HMCN2: variants seen among roughly 807,000 people sequenced by gnomAD.
HMCN2 encodes hemicentin 2.
HMCN2 carries 325 observed loss-of-function variants against 377.5 expected under a neutral mutation model. The observed-to-expected ratio is 0.86, with a 90% confidence interval of 0.79 to 0.94. The LOEUF (loss-of-function observed/expected upper bound fraction) is 0.94, where lower values mean the gene tolerates loss of function less well. Ranked by LOEUF, HMCN2 falls within the 40% of genes least tolerant of loss-of-function variation. The pLI, the probability that HMCN2 is intolerant of heterozygous loss-of-function variation, is 0.00. For missense variants in HMCN2, 4,543 were observed against 4,725.3 expected (o/e 0.96, Z 1.13); for synonymous variants, 2,007 against 2,046.8 (o/e 0.98, Z 0.53).
intron 33 of HMCN2, 98 bp downstream of exon 33, chr9:130,355,952 T>C: frequency 4.3e-6 from 4 of 931,476 alleles, no homozygotes; most frequent in African/African-American, 3.4e-5. Context: ...GCTTCCTGTT[T>C]CCAGGAGTAG....
At position 130,357,939 on chromosome 9, in the gene HMCN2, G is replaced by A. The variant is rs370466610; in HGVS notation, c.5531G>A (p.Arg1844His). The A allele has an allele frequency of 1.1e-4, 142 of 1,304,202 alleles. 1 individual carries two copies. The highest frequency in any genetic ancestry group is 3.3e-4 in the African/African-American group (22 of 65,996). 80.8% of individuals were successfully genotyped at this position (1,304,202 alleles called of 1,614,324 possible). ...GATGGGGTGCCCACCCCAAGCCTCCGTTGGTGGAAGGATGGTGTAGCCCTG... is the reference window on the plus strand; with the variant it reads ...GATGGGGTGCCCACCCCAAGCCTCCATTGGTGGAAGGATGGTGTAGCCCTG... ...IGDGVPTPSL[R>H]WWKDGVALAA... Residue 1844 changes from arginine (R) to histidine (H), a missense_variant, in exon 35 of 98, where the codon CGT (arginine) becomes CAT (histidine). Arg to His is a conservative substitution (Grantham distance 29). Transcript: ENST00000683500.
At chr9:130,430,193 C>T in intron 94 of HMCN2, 91 bp from the exon 95 acceptor site, 1 of 1,102,844 alleles carries the variant, frequency 9.1e-7, no homozygotes, top group Non-Finnish European at 1.3e-6. Context: ...TAGGGAATGC[C>T]AACAAGAGAG....
In HMCN2 at chr9:130,408,953, C is replaced by T. The variant is rs1378950624; in HGVS notation, c.12879+20C>T. The T allele has an allele frequency of 7.8e-7, 1 of 1,281,958 alleles. No homozygotes were observed. Among genetic ancestry groups the T allele is most frequent in the African/African-American group, 1.5e-5 (1 of 65,734 alleles). The allele number at this position is 1,281,958 out of a possible 1,614,324, so 79.4% of individuals were successfully genotyped here. ...ACTGAGGCAAGGCGGGGCCTGGCAC[C>T]TTGGGTGGGGCCACTGAGGACAACT... On this transcript the variant is annotated intron_variant, in intron 84 of 97. Transcript: ENST00000683500.
intron 62 of HMCN2, among the ~76,000 whole-genome samples, chr9:130,389,063 G>A (rs929509225): frequency 5.3e-5 from 8 of 152,174 alleles, no homozygotes; most frequent in Admixed American, 1.3e-4. Context: ...CAGGCTCCAC[G>A]TGGGGCAGAA....
At position 130,379,546 on chromosome 9, in the gene HMCN2, A is replaced by G. The variant is rs1025943110; in HGVS notation, c.8431+79A>G. ...CCTGCTGTGTGACCTTAAGCAGAGC[A>G]CACAACCACTCTGGACCTTAGCTGC... On this transcript the variant is annotated intron_variant, in intron 54 of 97. Transcript: ENST00000683500. 4.9e-6 allele frequency: 3 copies of G among 610,926 alleles called. No homozygotes were observed. The African/African-American group carries it at 6.0e-5, about 12-fold the overall frequency. 37.8% of individuals were successfully genotyped at this position (610,926 alleles called of 1,614,324 possible).
In HMCN2 at chr9:130,395,260, G is replaced by C; in HGVS notation, c.10824G>C (p.Leu3608=). 1 of 1,289,610 alleles carries C rather than the reference G, an allele frequency of 7.8e-7. No homozygotes were observed. Among genetic ancestry groups the C allele is most frequent in the South Asian group, 1.2e-5 (1 of 80,990 alleles). The allele number at this position is 1,289,610 out of a possible 1,614,324, so 79.9% of individuals were successfully genotyped here. A position where few individuals can be genotyped will look rare whatever the true frequency, so the allele number is the denominator to read the frequency against. The change falls in exon 71 of 98, where the codon CTG becomes CTC. Residue 3608 remains leucine (L), a synonymous_variant. Transcript: ENST00000683500. ...GPRGPRFVVG[L]APGQLVLECS... ...GAGGCCCCCGCTTTGTGGTCGGCCT[G>C]GCCCCAGGGCAGCTGGTCCTGGAGT...
chr9:130,336,527 G>T (rs1731181371), intron 22 of HMCN2, among the ~76,000 whole-genome samples: 1 of 152,152 alleles, frequency 6.6e-6, no homozygotes, highest in Admixed American at 6.5e-5. Flanking sequence ...GGAAGGGTGA[G>T]GTGACTTGCC....
At chr9:130,318,920 G>C (rs1431619720) in intron 15 of HMCN2, among the ~76,000 whole-genome samples, 3 of 152,226 alleles carry the variant, frequency 2.0e-5, no homozygotes. Flanking sequence ...CTGTTTGCGG[G>C]GGCGGCAATA....
At chr9:130,419,360 G>T (rs1022561381) in intron 86 of HMCN2, 21 of 231,380 alleles carry the variant, frequency 9.1e-5, no homozygotes, top group Admixed American at 2.8e-4. Context: ...CATCCCCGGT[G>T]CCCTCGGGGG....
intron 15 of HMCN2, among the ~76,000 whole-genome samples, chr9:130,318,115 G>A (rs1837665571): frequency 2.0e-5 from 3 of 152,190 alleles, no homozygotes; most frequent in Admixed American, 6.5e-5. Context: ...GAGCTTCGGC[G>A]GCTGCCAGGC....
chr9:130,386,580 G>A, intron 61 of HMCN2, 56 bp downstream of exon 61: 1 of 1,172,424 alleles, frequency 8.5e-7, no homozygotes, highest in South Asian at 1.3e-5. Context: ...CAACACCCAG[G>A]GCTGCCAAGG....
chr9:130,335,914 A>G (rs1243523244), intron 22 of HMCN2, among the ~76,000 whole-genome samples: 4 of 152,192 alleles, frequency 2.6e-5, no homozygotes, highest in Non-Finnish European at 5.9e-5. Context: ...GTAAAACCCC[A>G]ATTCCTACCT....
Position 130,392,055 on chromosome 9 carries a change from A to G in HMCN2, c.10073A>G (p.Lys3358Arg), listed in dbSNP as rs992518930. The stretch of plus-strand genomic sequence containing the variant: ...CCGCCCATCCACGTGAGCTGGCTCA[A>G]GGACGGCCTGCCCCTCCCGCTCTCC... Reference protein sequence around the residue: ...GSPPIHVSWLKDGLPLPLSQR... With the variant: ...GSPPIHVSWLRDGLPLPLSQR... Residue 3358 changes from lysine to arginine, a missense_variant, in exon 66 of 98, where the codon AAG becomes AGG. Lys to Arg is a conservative substitution (Grantham distance 26, BLOSUM62 2). Around this residue, in one of 5 missense-constraint regions of HMCN2, gnomAD observed 1,073 missense variants for 1,319.5 expected, o/e 0.81. Transcript: ENST00000683500. 45 of 988,426 alleles carry G rather than the reference A, an allele frequency of 4.6e-5. No individual in the cohort carries two copies. Among genetic ancestry groups the G allele is most frequent in the Non-Finnish European group, 4.9e-5 (41 of 830,554 alleles). The allele number at this position is 988,426 out of a possible 1,614,324, so 61.2% of individuals were successfully genotyped here. A position where few individuals can be genotyped will look rare whatever the true frequency, so the allele number is the denominator to read the frequency against.
At position 130,361,935 on chromosome 9, in the gene HMCN2, G is replaced by A; in HGVS notation, c.5951-73G>A. On this transcript the variant is annotated intron_variant, in intron 38 of 97. Coordinates refer to ENST00000683500, the MANE Select transcript of HMCN2 (RefSeq NM_001291815.2). The surrounding 1 kb of genome is among the most constrained non-coding windows in gnomAD (Gnocchi z 4.8). ...TGTGGCTGTGTGCTCCTGCAGGGGTGCCCAGCCAGGGGCCCTGCCTGCTTT... is the reference window on the plus strand; with the variant it reads ...TGTGGCTGTGTGCTCCTGCAGGGGTACCCAGCCAGGGGCCCTGCCTGCTTT... The A allele has an allele frequency of 1.1e-6, 1 of 941,108 alleles. No homozygotes were observed. Among genetic ancestry groups the A allele is most frequent in the Non-Finnish European group, 1.3e-6 (1 of 789,156 alleles). 58.3% of individuals were successfully genotyped at this position (941,108 alleles called of 1,614,324 possible). A position where few individuals can be genotyped will look rare whatever the true frequency, so the allele number is the denominator to read the frequency against.
intron 54 of HMCN2, among the ~76,000 whole-genome samples, chr9:130,381,071 C>T (rs924937420): frequency 2.6e-5 from 4 of 152,214 alleles, no homozygotes; most frequent in Admixed American, 6.5e-5. Flanking sequence ...ACTCACCTCT[C>T]ACCCTGACAA....
chr9:130,292,956 C>CTCTATCTATCTATCTA (rs139794898), intron 4 of HMCN2, among the ~76,000 whole-genome samples: 1 of 144,674 alleles, frequency 6.9e-6, no homozygotes, highest in Non-Finnish European at 1.5e-5. Flanking sequence ...GGATCAATTG[C>CTCTATCTATCTATCTA]TCTATCTATC....
At chr9:130,288,502 T>C (rs1003378094) in intron 4 of HMCN2, among the ~76,000 whole-genome samples, 1 of 152,196 alleles carries the variant, frequency 6.6e-6, no homozygotes, top group African/African-American at 2.4e-5. Context: ...GCGGTCACCC[T>C]CCCAGGAGAG....
At chr9:130,312,605 T>TTTCTTTCTTTCC (rs1837328273) in intron 15 of HMCN2, among the ~76,000 whole-genome samples, 7 of 120,008 alleles carry the variant, frequency 5.8e-5, no homozygotes, top group African/African-American at 2.2e-4. Flanking sequence ...TCTTTCTTTC[T>TTTCTTTCTTTCC]TTCTTTCTTT....
At chr9:130,359,504 A>AGAGAAAT (rs1588305994) in intron 37 of HMCN2, 90 bp downstream of exon 37, 1 of 522,088 alleles carries the variant, frequency 1.9e-6, no homozygotes, top group East Asian at 8.1e-5. Flanking sequence ...CTCTGATTGG[A>AGAGAAAT]CATAATGGGG....
Sources: gnomAD v4.1 joint callset for allele counts (sites outside exome capture counted in the v4.1 genomes callset) on GRCh38, gnomAD v4.1.1 for gene constraint, gnomAD v4.1.1 regional missense constraint, Gnocchi (gnomAD v3.1) non-coding constraint, MANE v1.5 for transcripts, NCBI Gene and HGNC (gene_info 2026-07-23, HGNC 2026-07-21) for gene names.